ATXN1: variants seen among roughly 807,000 people sequenced by gnomAD.
ATXN1 encodes the protein ataxin 1.
A neutral mutation model predicts 56.4 loss-of-function variants in ATXN1; 8 were observed. The ratio of observed to expected loss-of-function variants is 0.14; its 90% CI spans 0.08 to 0.26. The LOEUF (loss-of-function observed/expected upper bound fraction) is 0.26, where lower values mean the gene tolerates loss of function less well. Ranked by LOEUF, ATXN1 falls within the 10% of genes least tolerant of loss-of-function variation. The pLI, the probability that ATXN1 is intolerant of heterozygous loss-of-function variation, is 1.00. For missense variants in ATXN1, 987 were observed against 1,106.5 expected, an observed-to-expected ratio of 0.89 and a Z score of 1.53; for synonymous variants, 514 against 494.6, an observed-to-expected ratio of 1.04 and a Z score of -0.52.
At chr6:16,670,789 CA>C (rs1407089579) in intron 2 of ATXN1, among the ~76,000 whole-genome samples, 2 of 152,176 alleles carry the variant, frequency 1.3e-5, no homozygotes, top group Admixed American at 6.5e-5. Context: ...GTTACTAAAA[CA>C]GAAACAAATG....
intron 2 of ATXN1, among the ~76,000 whole-genome samples, chr6:16,751,233 T>C (rs1415099511): frequency 2.6e-5 from 4 of 152,172 alleles, no homozygotes; most frequent in Non-Finnish European, 5.9e-5. Context: ...CCTCCCAAAG[T>C]GCTGGGATTA....
intron 3 of ATXN1, among the ~76,000 whole-genome samples, chr6:16,645,183 C>A (rs1180627675): frequency 6.6e-6 from 1 of 152,070 alleles, no homozygotes; most frequent in African/African-American, 2.4e-5. Flanking sequence ...AAGTGCTTGC[C>A]CCAAATATCT....
intron 6 of ATXN1, among the ~76,000 whole-genome samples, chr6:16,375,329 G>A (rs1469396798): frequency 6.6e-6 from 1 of 152,122 alleles, no homozygotes; most frequent in Non-Finnish European, 1.5e-5. Flanking sequence ...TAAACTTTAA[G>A]AACTACAGCT....
intron 7 of ATXN1, among the ~76,000 whole-genome samples, chr6:16,309,542 A>G (rs1286987399): frequency 6.6e-6 from 1 of 152,172 alleles, no homozygotes; most frequent in Non-Finnish European, 1.5e-5. Flanking sequence ...GGGAGATAAT[A>G]GGGCAGAAGT....
chr6:16,718,466 C>T (rs1389851415), intron 2 of ATXN1, among the ~76,000 whole-genome samples: 3 of 152,214 alleles, frequency 2.0e-5, no homozygotes, highest in Non-Finnish European at 2.9e-5. Context: ...CCTTCTGTTC[C>T]AGAACTTCTA....
At chr6:16,438,644 T>A (rs538526486) in intron 6 of ATXN1, among the ~76,000 whole-genome samples, 1 of 152,332 alleles carries the variant, frequency 6.6e-6, no homozygotes, top group Non-Finnish European at 1.5e-5. Context: ...TATAATCAGA[T>A]AACTGGTCCA....
chr6:16,316,047 GT>G (rs1299593801), intron 7 of ATXN1, among the ~76,000 whole-genome samples: 1 of 152,210 alleles, frequency 6.6e-6, no homozygotes, highest in Non-Finnish European at 1.5e-5. Flanking sequence ...TCCATGGCCT[GT>G]TAGGTACTGG....
At chr6:16,421,818 G>T (rs1382620547) in intron 6 of ATXN1, among the ~76,000 whole-genome samples, 1 of 152,152 alleles carries the variant, frequency 6.6e-6, no homozygotes, top group Non-Finnish European at 1.5e-5. Context: ...GCGTGAGTGT[G>T]TACACAGTGT....
chr6:16,434,745 G>A (rs929122459), intron 6 of ATXN1, among the ~76,000 whole-genome samples: 3 of 152,180 alleles, frequency 2.0e-5, no homozygotes, highest in Non-Finnish European at 2.9e-5. Context: ...GTGCTGCTAG[G>A]AGCTGAGGAT....
intron 6 of ATXN1, among the ~76,000 whole-genome samples, chr6:16,357,089 AATTCCAC>A (rs1263357568): frequency 6.6e-6 from 1 of 152,194 alleles, no homozygotes; most frequent in Non-Finnish European, 1.5e-5. Flanking sequence ...AATTTATGCA[AATTCCAC>A]ATCGATTTAT....
intron 4 of ATXN1, among the ~76,000 whole-genome samples, chr6:16,554,395 G>A (rs554319942): frequency 2.0e-5 from 3 of 152,264 alleles, no homozygotes; most frequent in Non-Finnish European, 4.4e-5. Flanking sequence ...AAACCCACCC[G>A]AGAGACATTA....
rs538360607 is a variant in ATXN1 at position 16,613,017 on chromosome 6, G to A, written c.-488-27110C>T. 4.2e-3 allele frequency among the ~76,000 whole-genome samples: 635 copies of A among 151,792 alleles called. 9 individuals carry two copies. The highest frequency in any genetic ancestry group is 0.014 in the African/African-American group (594 of 41,442). On this transcript the variant is annotated intron_variant, in intron 3 of 7. Transcript: ENST00000436367. ...GCGGTGGCTCACGCCTGTAATCCCA[G>A]CACTTTGGGAGGCCGAGGCGGGTGG...
intron 3 of ATXN1, among the ~76,000 whole-genome samples, chr6:16,594,652 T>G (rs950294398): frequency 6.6e-6 from 1 of 152,010 alleles, no homozygotes; most frequent in Non-Finnish European, 1.5e-5. Context: ...CCACCTAATT[T>G]TTGTATTTTT....
At chr6:16,660,217 A>G (rs1184348809) in intron 2 of ATXN1, among the ~76,000 whole-genome samples, 1 of 152,222 alleles carries the variant, frequency 6.6e-6, no homozygotes, top group Non-Finnish European at 1.5e-5. Context: ...CTTGGGTTTA[A>G]TCTCTGTCAC....
chr6:16,533,900 T>C (rs1034142419), intron 4 of ATXN1, among the ~76,000 whole-genome samples: 3 of 152,192 alleles, frequency 2.0e-5, no homozygotes, highest in South Asian at 2.1e-4. Context: ...CCTGGATTAC[T>C]CAGGTATCAT....
intron 6 of ATXN1, among the ~76,000 whole-genome samples, chr6:16,431,333 T>A (rs1158869599): frequency 6.6e-6 from 1 of 152,246 alleles, no homozygotes; most frequent in Non-Finnish European, 1.5e-5. Context: ...CAAGGACTTC[T>A]AATTCAGTTT....
intron 2 of ATXN1, among the ~76,000 whole-genome samples, chr6:16,722,982 G>A (rs1253102061): frequency 6.6e-6 from 1 of 152,200 alleles, no homozygotes; most frequent in Non-Finnish European, 1.5e-5. Flanking sequence ...GGTACAAGGT[G>A]TTTTTACCCA....
chr6:16,436,527 A>G (rs1367879031), intron 6 of ATXN1, among the ~76,000 whole-genome samples: 1 of 152,210 alleles, frequency 6.6e-6, no homozygotes, highest in Non-Finnish European at 1.5e-5. Flanking sequence ...TCACAGAGAC[A>G]GTAACTTTTG....
At chr6:16,386,107 T>C (rs1408383766) in intron 6 of ATXN1, among the ~76,000 whole-genome samples, 1 of 152,222 alleles carries the variant, frequency 6.6e-6, no homozygotes, top group Non-Finnish European at 1.5e-5. Flanking sequence ...TTCCAGCCTC[T>C]AAAGCAGTCT....
Sources: gnomAD v4.1 joint callset for allele counts (sites outside exome capture counted in the v4.1 genomes callset) on GRCh38, gnomAD v4.1.1 for gene constraint, MANE v1.5 for transcripts, NCBI Gene and HGNC (gene_info 2026-07-23, HGNC 2026-07-21) for gene names.